The following LRRC7 variants were observed in gnomAD, a reference collection of about 807,000 sequenced individuals.
The protein encoded by LRRC7 is leucine rich repeat containing 7.
Under a neutral mutation model 175.7 loss-of-function variants are expected in LRRC7, and 23 were observed. The ratio of observed to expected loss-of-function variants is 0.13; its 90% confidence interval spans 0.09 to 0.19. LRRC7 has a LOEUF of 0.19. Among genes scored for constraint, LRRC7 ranks in the 10% least tolerant of loss-of-function variants. The probability of loss-of-function intolerance (pLI) is 1.00; values close to 1 mark genes in which losing one functional copy is unlikely to be tolerated. For synonymous variants in LRRC7, 685 were observed against 680.9 expected, an observed-to-expected ratio of 1.01 and a Z score of -0.09; for missense variants, 1,354 against 1,904.7, an observed-to-expected ratio of 0.71 and a Z score of 5.38.
intron 25 of LRRC7, among the ~76,000 whole-genome samples, chr1:70,100,088 T>A (rs961909483): frequency 1.3e-5 from 2 of 152,120 alleles, no homozygotes; most frequent in Admixed American, 1.3e-4. Flanking sequence ...TAGACAGACA[T>A]CCCAGACATG....
At chr1:69,589,524 T>C (rs900796688) in intron 1 of LRRC7, among the ~76,000 whole-genome samples, 2 of 152,120 alleles carry the variant, frequency 1.3e-5, no homozygotes, top group Non-Finnish European at 2.9e-5. Flanking sequence ...AAATGGACAC[T>C]TTGTTGCTCA....
rs761205842 is a variant in LRRC7 at position 69,806,294 on chromosome 1, CAG to C, written c.421+14144_421+14145del. ...AGACTCAATGTGTTTGTTGTTGAAG[CAG>C]AGAGAGAGAAAGAGAGCGAGAACAA... On this transcript the variant is annotated intron_variant, in intron 4 of 26. Transcript: ENST00000651989. 2.7e-4 allele frequency among the ~76,000 whole-genome samples: 41 copies of C among 151,864 alleles called. No homozygotes were observed. The South Asian group carries it at 5.2e-3, about 19-fold the overall frequency.
At chr1:69,905,056 G>T (rs1646255098) in intron 7 of LRRC7, among the ~76,000 whole-genome samples, 1 of 151,964 alleles carries the variant, frequency 6.6e-6, no homozygotes. Context: ...GTCCTCAATG[G>T]TAGACTTTAT....
At chr1:69,973,016 CTATA>C (rs201190058) in intron 8 of LRRC7, among the ~76,000 whole-genome samples, 5,952 of 140,102 alleles carry the variant, frequency 0.042, 144 homozygotes, top group South Asian at 0.094. Context: ...TATATATATA[CTATA>C]TATAAATACT....
At chr1:70,021,374 T>C (rs555390472) in intron 16 of LRRC7, 1 of 297,684 alleles carries the variant, frequency 3.4e-6, no homozygotes, top group East Asian at 7.1e-5. Flanking sequence ...ATGAGAGAGA[T>C]TCAAGCTGAG....
chr1:70,056,916 C>T (rs1661197839), intron 23 of LRRC7, among the ~76,000 whole-genome samples: 2 of 152,018 alleles, frequency 1.3e-5, no homozygotes, highest in African/African-American at 4.8e-5. Context: ...AAACGTCAAG[C>T]AAGATAAGTA....
chr1:69,983,307 G>T (rs559347729), intron 9 of LRRC7, among the ~76,000 whole-genome samples: 1 of 152,332 alleles, frequency 6.6e-6, no homozygotes, highest in South Asian at 2.1e-4. Flanking sequence ...CAGGGCTGGA[G>T]ATTTGCACTG....
At chr1:70,053,336 C>T (rs1268503554) in intron 23 of LRRC7, among the ~76,000 whole-genome samples, 191 bp downstream of exon 23, 1 of 152,132 alleles carries the variant, frequency 6.6e-6, no homozygotes, top group African/African-American at 2.4e-5. Context: ...GCCAACTGTT[C>T]AAAGTTGGTA....
intron 2 of LRRC7, among the ~76,000 whole-genome samples, chr1:69,732,336 G>GA (rs200890531): frequency 3.7e-4 from 56 of 151,400 alleles, no homozygotes; most frequent in African/African-American, 9.4e-4. Context: ...GAAAAATAGG[G>GA]AAAAAAAATA....
intron 7 of LRRC7, among the ~76,000 whole-genome samples, chr1:69,913,645 G>A (rs966154525): frequency 6.6e-6 from 1 of 152,034 alleles, no homozygotes; most frequent in Non-Finnish European, 1.5e-5. Flanking sequence ...CCAAGTAGCT[G>A]GGATTACAGG....
At chr1:69,964,709 C>T (rs1318315418) in intron 8 of LRRC7, among the ~76,000 whole-genome samples, 1 of 152,194 alleles carries the variant, frequency 6.6e-6, no homozygotes, top group Non-Finnish European at 1.5e-5. Flanking sequence ...TCACTTAACA[C>T]TTAACTTCCT....
rs1308672613 is a variant in LRRC7 at position 70,127,079 on chromosome 1, A to G, written c.*5192A>G. Reference sequence around the variant, plus strand: ...CTTGGGTAACGCAGGAACCTGGAGTAGTAGCATTAACTAAGGCCCAAAGAT... The same window carrying G: ...CTTGGGTAACGCAGGAACCTGGAGTGGTAGCATTAACTAAGGCCCAAAGAT... On this transcript the variant is annotated 3_prime_UTR_variant, in exon 27 of 27. Coordinates refer to ENST00000651989, the MANE Select transcript of LRRC7 (RefSeq NM_001370785.2). Among the ~76,000 whole-genome samples the G allele has an allele frequency of 6.6e-6, 1 of 152,264 alleles. No individual in the cohort carries two copies. The highest frequency in any genetic ancestry group is 1.5e-5 in the Non-Finnish European group (1 of 68,040).
intron 17 of LRRC7, among the ~76,000 whole-genome samples, chr1:70,025,299 A>C (rs1657974013): frequency 6.6e-6 from 1 of 150,898 alleles, no homozygotes; most frequent in South Asian, 2.1e-4. Context: ...CTATAGAATT[A>C]ATAATAATGT....
intron 2 of LRRC7, among the ~76,000 whole-genome samples, chr1:69,701,558 T>C (rs1663361609): frequency 6.6e-6 from 1 of 152,216 alleles, no homozygotes; most frequent in Admixed American, 6.5e-5. Flanking sequence ...AAAATGAAAG[T>C]CATTATAATG....
Position 70,136,270 on chromosome 1 carries a change from A to C in LRRC7, c.*14383A>C, listed in dbSNP as rs1179258510. On this transcript the variant is annotated 3_prime_UTR_variant, in exon 27 of 27. Coordinates refer to ENST00000651989, the MANE Select transcript of LRRC7 (RefSeq NM_001370785.2). ...TGCCATAAATATGCCCCGCAGGTTC[A>C]CCTATACCCCAAAATATATACTTAT... Among the ~76,000 whole-genome samples the C allele has an allele frequency of 6.6e-6, 1 of 151,880 alleles. No homozygotes were observed. Among genetic ancestry groups the C allele is most frequent in the Admixed American group, 6.6e-5 (1 of 15,242 alleles).
chr1:69,632,627 T>C (rs1652697296), intron 1 of LRRC7, among the ~76,000 whole-genome samples: 1 of 152,122 alleles, frequency 6.6e-6, no homozygotes, highest in African/African-American at 2.4e-5. Flanking sequence ...CCCACTGTGG[T>C]TATTTGTTGA....
At chr1:69,863,552 TTG>T (rs1684593891) in intron 7 of LRRC7, among the ~76,000 whole-genome samples, 1 of 152,210 alleles carries the variant, frequency 6.6e-6, no homozygotes, top group Non-Finnish European at 1.5e-5. Context: ...ATGCCCCGCA[TTG>T]TGTTAGGCAT....
intron 7 of LRRC7, among the ~76,000 whole-genome samples, chr1:69,895,504 T>G (rs531740307): frequency 9.9e-5 from 15 of 152,246 alleles, no homozygotes; most frequent in African/African-American, 3.6e-4. Flanking sequence ...ATTTTACAAG[T>G]TTTGAAATAT....
intron 8 of LRRC7, among the ~76,000 whole-genome samples, chr1:69,960,797 A>C (rs1054642545): frequency 1.3e-5 from 2 of 150,874 alleles, no homozygotes; most frequent in Non-Finnish European, 2.9e-5. Flanking sequence ...TTAAAAAAAA[A>C]CTCTCAATAA....
Sources: allele counts gnomAD v4.1 joint callset (sites outside exome capture counted in the v4.1 genomes callset), GRCh38; gene constraint gnomAD v4.1.1; transcripts MANE v1.5; gene names NCBI Gene and HGNC (gene_info 2026-07-23, HGNC 2026-07-21).